TAS2R1: variants seen among roughly 807,000 people sequenced by gnomAD.
TAS2R1 encodes the protein taste receptor type 2 member 1.
For synonymous variants in TAS2R1, 141 were observed against 134.2 expected (o/e 1.05, Z -0.35); for missense variants, 370 against 353.4 (o/e 1.05, Z -0.38).
the TAS2R1 span, among the ~76,000 whole-genome samples, chr5:9,832,395 T>C: frequency 6.6e-6 from 1 of 152,194 alleles, no homozygotes; most frequent in Non-Finnish European, 1.5e-5. Context: ...TAGGTGTGCA[T>C]TCATGTTTCA....
chr5:9,725,035 C>A, the TAS2R1 span, among the ~76,000 whole-genome samples: 1 of 152,246 alleles, frequency 6.6e-6, no homozygotes, highest in Non-Finnish European at 1.5e-5. Context: ...ACATGGGCCA[C>A]CTGAGTCACC....
At chr5:9,693,077 G>C (rs1396142086) in intron 1 of TAS2R1, among the ~76,000 whole-genome samples, 1 of 152,016 alleles carries the variant, frequency 6.6e-6, no homozygotes, top group South Asian at 2.1e-4. Flanking sequence ...AACCTCTCTG[G>C]GCATGAGCAA....
the TAS2R1 span, among the ~76,000 whole-genome samples, chr5:9,752,359 C>A: frequency 6.6e-6 from 1 of 152,136 alleles, no homozygotes. Flanking sequence ...GTCCATGTAG[C>A]TCTACTGAAA....
the TAS2R1 span, among the ~76,000 whole-genome samples, chr5:9,763,207 TA>T: frequency 6.6e-6 from 1 of 152,170 alleles, no homozygotes; most frequent in Non-Finnish European, 1.5e-5. Flanking sequence ...GGGAAGCTGT[TA>T]GAAATATTAT....
At chr5:9,777,929 G>A in the TAS2R1 span, among the ~76,000 whole-genome samples, 7 of 145,146 alleles carry the variant, frequency 4.8e-5, 1 homozygote, top group East Asian at 2.1e-4. Flanking sequence ...GCCGGACTGC[G>A]GACTGCAGTG....
At chr5:9,776,906 T>C in the TAS2R1 span, among the ~76,000 whole-genome samples, 3 of 152,214 alleles carry the variant, frequency 2.0e-5, no homozygotes, top group Non-Finnish European at 2.9e-5. Flanking sequence ...CAAGTGCATA[T>C]AGAAATTATG....
chr5:9,897,976 C>T, the TAS2R1 span, among the ~76,000 whole-genome samples: 2 of 152,168 alleles, frequency 1.3e-5, no homozygotes, highest in African/African-American at 4.8e-5. Flanking sequence ...ATTAATCCTC[C>T]GAATTTCATA....
chr5:9,628,882 C>A lies in TAS2R1; in HGVS notation c.*251G>T, dbSNP rs115559848. On this transcript the variant is annotated 3_prime_UTR_variant, in exon 1 of 1. Coordinates refer to ENST00000382492, the MANE Select transcript of TAS2R1 (RefSeq NM_019599.3). ...GTTTTCCCAATGGTAACAACTTGCA[C>A]GATGATAGTACAATATCACTACCAG... 1,549 of 344,248 alleles carry A rather than the reference C, an allele frequency of 4.5e-3. 26 individuals carry two copies. Among genetic ancestry groups the A allele is most frequent in the African/African-American group, 0.03 (1,446 of 47,730 alleles). The allele number at this position is 344,248 out of a possible 1,614,324, so 21.3% of individuals were successfully genotyped here.
chr5:9,801,754 G>A, the TAS2R1 span, among the ~76,000 whole-genome samples: 1 of 152,180 alleles, frequency 6.6e-6, no homozygotes, highest in Non-Finnish European at 1.5e-5. Context: ...GCCTGTGACT[G>A]CTGGCTTTCC....
the TAS2R1 span, among the ~76,000 whole-genome samples, chr5:9,855,970 TTTTTA>T: frequency 5.3e-4 from 80 of 152,290 alleles, no homozygotes; most frequent in South Asian, 5.8e-3. Context: ...TCTAGTTTTT[TTTTTA>T]TTTTGTTACA....
chr5:9,753,010 C>G, the TAS2R1 span, among the ~76,000 whole-genome samples: 5 of 152,226 alleles, frequency 3.3e-5, no homozygotes, highest in Non-Finnish European at 7.4e-5. Context: ...AATAAACATA[C>G]GTGTGCATGT....
At chr5:9,839,332 T>A in the TAS2R1 span, among the ~76,000 whole-genome samples, 1 of 152,220 alleles carries the variant, frequency 6.6e-6, no homozygotes, top group South Asian at 2.1e-4. Context: ...GTGGTAAGAA[T>A]TCATATATGA....
the TAS2R1 span, among the ~76,000 whole-genome samples, chr5:9,867,797 C>T: frequency 6.6e-6 from 1 of 152,218 alleles, no homozygotes; most frequent in Non-Finnish European, 1.5e-5. Context: ...AACTATGAGC[C>T]TGTAAAATCA....
chr5:9,820,446 T>C, the TAS2R1 span, among the ~76,000 whole-genome samples: 1 of 152,136 alleles, frequency 6.6e-6, no homozygotes, highest in Non-Finnish European at 1.5e-5. Flanking sequence ...TGGCCAACAA[T>C]AGGAAAATTA....
At chr5:9,682,214 A>G (rs1393561251) in intron 1 of TAS2R1, among the ~76,000 whole-genome samples, 1 of 152,204 alleles carries the variant, frequency 6.6e-6, no homozygotes. Context: ...AGAGACAGTC[A>G]AGGGTCAGAA....
upstream of TAS2R1, chr5:9,630,454 C>A (rs1264418200): frequency 1.2e-5 from 2 of 168,652 alleles, no homozygotes; most frequent in African/African-American, 4.8e-5. Flanking sequence ...TTATCGTGTA[C>A]TCTTTAAAAA....
the TAS2R1 span, among the ~76,000 whole-genome samples, chr5:9,843,290 G>A: frequency 6.6e-6 from 1 of 151,934 alleles, no homozygotes; most frequent in Admixed American, 6.5e-5. Context: ...CTCATTTTGT[G>A]GAAAAGTCTT....
the TAS2R1 span, among the ~76,000 whole-genome samples, chr5:9,792,446 A>T: frequency 2.0e-5 from 3 of 152,200 alleles, no homozygotes; most frequent in Non-Finnish European, 4.4e-5. Flanking sequence ...CCCGTGTTAT[A>T]ACTTTGAAAT....
chr5:9,869,926 AT>A, the TAS2R1 span, among the ~76,000 whole-genome samples: 1 of 152,218 alleles, frequency 6.6e-6, no homozygotes, highest in East Asian at 1.9e-4. Flanking sequence ...AAAATAATAA[AT>A]TTAGACTTGG....
Sources: gnomAD v4.1 joint callset for allele counts (sites outside exome capture counted in the v4.1 genomes callset) on GRCh38, gnomAD v4.1.1 for gene constraint, MANE v1.5 for transcripts, NCBI Gene and HGNC (gene_info 2026-07-23, HGNC 2026-07-21) for gene names.